Variants in RAD51B observed in about 807,000 individuals in gnomAD.
RAD51B encodes RAD51 paralog B.
Under a neutral mutation model 42.2 loss-of-function variants are expected in RAD51B, and 38 were observed. The observed-to-expected ratio is 0.90, with a 90% CI of 0.70 to 1.18. RAD51B has a LOEUF of 1.18. Among genes scored for constraint, RAD51B ranks in the 50% most tolerant of loss-of-function variants. The probability of loss-of-function intolerance (pLI) is 0.00; values close to 1 mark genes in which losing one functional copy is unlikely to be tolerated. For missense variants in RAD51B, 373 were observed against 400.7 expected (o/e 0.93, Z 0.59); for synonymous variants, 154 against 145.2 (o/e 1.06, Z -0.43).
At chr14:68,431,005 T>C (rs558543711) in intron 9 of RAD51B, among the ~76,000 whole-genome samples, 1 of 152,368 alleles carries the variant, frequency 6.6e-6, no homozygotes, top group South Asian at 2.1e-4. Flanking sequence ...TCTACCGATA[T>C]AATCATGTGG....
intron 10 of RAD51B, among the ~76,000 whole-genome samples, chr14:68,628,873 C>T (rs1421788341): frequency 1.3e-5 from 2 of 152,188 alleles, no homozygotes; most frequent in African/African-American, 4.8e-5. Flanking sequence ...CGGGCATGAA[C>T]CCGCGAAGCC....
At chr14:67,995,028 A>G (rs576999855) in intron 7 of RAD51B, among the ~76,000 whole-genome samples, 62 of 152,318 alleles carry the variant, frequency 4.1e-4, no homozygotes, top group Admixed American at 2.2e-3. Context: ...CTAATAATGT[A>G]TGATTCCATT....
chr14:68,019,597 T>A (rs1174017591), intron 7 of RAD51B, among the ~76,000 whole-genome samples: 1 of 151,968 alleles, frequency 6.6e-6, no homozygotes, highest in Non-Finnish European at 1.5e-5. Flanking sequence ...AGGGCTGACA[T>A]TTCATATATG....
intron 7 of RAD51B, among the ~76,000 whole-genome samples, chr14:68,141,241 A>G (rs1272853074): frequency 1.3e-5 from 2 of 152,230 alleles, no homozygotes; most frequent in Non-Finnish European, 2.9e-5. Context: ...ATAAGATGTT[A>G]TGAGTTTATT....
chr14:68,614,139 C>T (rs1891778167), downstream of RAD51B, among the ~76,000 whole-genome samples: 1 of 152,142 alleles, frequency 6.6e-6, no homozygotes, highest in Admixed American at 6.5e-5. Flanking sequence ...CTGCCTATGA[C>T]ACGATTTTTC....
intron 7 of RAD51B, among the ~76,000 whole-genome samples, chr14:68,266,238 T>A (rs1404475084): frequency 6.6e-6 from 1 of 152,228 alleles, no homozygotes; most frequent in Non-Finnish European, 1.5e-5. Context: ...ACAAATTTAT[T>A]TAACAGAGTT....
intron 7 of RAD51B, among the ~76,000 whole-genome samples, chr14:67,922,941 T>A (rs1177072667): frequency 3.3e-5 from 5 of 152,210 alleles, no homozygotes; most frequent in Admixed American, 2.0e-4. Context: ...TCCACCTACC[T>A]CAGCCTCTCA....
intron 10 of RAD51B, among the ~76,000 whole-genome samples, chr14:68,533,116 A>G (rs1406909224): frequency 1.3e-5 from 2 of 152,188 alleles, no homozygotes; most frequent in African/African-American, 4.8e-5. Context: ...AGACAAACCT[A>G]TCTTTCTTTA....
At chr14:68,395,303 T>C (rs2083884223) in intron 8 of RAD51B, among the ~76,000 whole-genome samples, 1 of 152,222 alleles carries the variant, frequency 6.6e-6, no homozygotes, top group Non-Finnish European at 1.5e-5. Context: ...CTATGGGTTT[T>C]TGAATTTTTA....
chr14:68,589,810 A>G (rs578017145), intron 10 of RAD51B, among the ~76,000 whole-genome samples: 8 of 151,650 alleles, frequency 5.3e-5, no homozygotes, highest in Non-Finnish European at 8.8e-5. Context: ...TTTGGACTTT[A>G]TTTTCTTTCT....
chr14:68,256,333 C>T (rs952323138), intron 7 of RAD51B, among the ~76,000 whole-genome samples: 1 of 152,194 alleles, frequency 6.6e-6, no homozygotes, highest in African/African-American at 2.4e-5. Context: ...TAAAGGATCT[C>T]TCTTCATCCT....
chr14:68,322,558 A>G (rs960416049), intron 8 of RAD51B, among the ~76,000 whole-genome samples: 11 of 152,162 alleles, frequency 7.2e-5, no homozygotes, highest in African/African-American at 2.7e-4. Context: ...ATGGTTGTGT[A>G]TCATTCCCAT....
chr14:68,294,735 C>T (rs760310405), intron 8 of RAD51B, among the ~76,000 whole-genome samples: 3 of 152,208 alleles, frequency 2.0e-5, no homozygotes, highest in Non-Finnish European at 2.9e-5. Flanking sequence ...GGAAGAATGG[C>T]CGTGTTGCTG....
intron 8 of RAD51B, among the ~76,000 whole-genome samples, chr14:68,363,754 C>T (rs1188452791): frequency 6.6e-6 from 1 of 152,074 alleles, no homozygotes; most frequent in African/African-American, 2.4e-5. Flanking sequence ...TGTGTGTGCA[C>T]ACGCGTGTGT....
At chr14:68,242,339 C>T (rs180903564) in intron 7 of RAD51B, among the ~76,000 whole-genome samples, 3 of 152,280 alleles carry the variant, frequency 2.0e-5, no homozygotes, top group Admixed American at 6.5e-5. Context: ...ATAGTCTATA[C>T]GTGGACCGCA....
intron 7 of RAD51B, among the ~76,000 whole-genome samples, chr14:68,191,427 T>A (rs2140906142): frequency 6.6e-6 from 1 of 152,332 alleles, no homozygotes; most frequent in Non-Finnish European, 1.5e-5. Flanking sequence ...GTCTAAGAAC[T>A]AAGTGATATG....
intron 7 of RAD51B, among the ~76,000 whole-genome samples, chr14:68,116,942 C>T (rs991538074): frequency 1.3e-5 from 2 of 152,110 alleles, no homozygotes; most frequent in Non-Finnish European, 2.9e-5. Flanking sequence ...TGTAACACTT[C>T]ATGTTTACAA....
Position 68,276,801 on chromosome 14 carries a change from G to A in RAD51B, c.757-15083G>A, listed in dbSNP as rs190843854. Among the ~76,000 whole-genome samples the A allele has an allele frequency of 1.9e-3, 296 of 152,296 alleles. 2 individuals are homozygous for A. Among genetic ancestry groups the A allele is most frequent in the Non-Finnish European group, 3.7e-3 (249 of 68,026 alleles). On this transcript the variant is annotated intron_variant, in intron 7 of 10. Coordinates refer to ENST00000471583, the MANE Select transcript of RAD51B (RefSeq NM_133510.4). ...AAAGTCATCTGTAAGACATATTTAAGACTTAGTTCATCAGAAAGAGGGTAG... is the reference window on the plus strand; with the variant it reads ...AAAGTCATCTGTAAGACATATTTAAAACTTAGTTCATCAGAAAGAGGGTAG...
chr14:67,840,211 C>T (rs141374042), intron 4 of RAD51B, among the ~76,000 whole-genome samples: 41 of 152,158 alleles, frequency 2.7e-4, no homozygotes, highest in Admixed American at 4.6e-4. Flanking sequence ...GTTTGGGGTA[C>T]GATTTATACC....
Sources: gnomAD v4.1 joint callset for allele counts (sites outside exome capture counted in the v4.1 genomes callset) on GRCh38, gnomAD v4.1.1 for gene constraint, MANE v1.5 for transcripts, NCBI Gene and HGNC (gene_info 2026-07-23, HGNC 2026-07-21) for gene names.